AGO3: variants seen among roughly 807,000 people sequenced by gnomAD.
AGO3 encodes protein argonaute-3.
Under a neutral mutation model 105.5 loss-of-function variants are expected in AGO3, and 16 were observed. The observed-to-expected ratio is 0.15, with a 90% CI of 0.10 to 0.23. The LOEUF (loss-of-function observed/expected upper bound fraction) is 0.23, where lower values mean the gene tolerates loss of function less well. AGO3 is among the 10% of genes least tolerant of loss of function. The pLI is 1.00. For missense variants in AGO3, 534 were observed against 1,088.0 expected (o/e 0.49, Z 7.16); for synonymous variants, 340 against 367.3 (o/e 0.93, Z 0.85).
intron 17 of AGO3, among the ~76,000 whole-genome samples, chr1:36,053,924 T>A (rs1025414836): frequency 6.6e-6 from 1 of 151,830 alleles, no homozygotes; most frequent in African/African-American, 2.4e-5. Flanking sequence ...AATTTTTGTA[T>A]TTTTAGTAGA....
Position 35,931,205 on chromosome 1 carries a change from A to G in AGO3, c.-222A>G. Reference sequence around the variant, plus strand: ...CGGGACTCCCCTCTGTCCGCGCCTCACATCTCCCCTTCCTCTCGCCTAGTC... The same window carrying G: ...CGGGACTCCCCTCTGTCCGCGCCTCGCATCTCCCCTTCCTCTCGCCTAGTC... On this transcript the variant is annotated 5_prime_UTR_variant, in exon 1 of 19. Transcript: ENST00000373191. 2.5e-6 allele frequency: 1 copy of G among 405,056 alleles called. No individual in the cohort carries two copies. The highest frequency in any genetic ancestry group is 3.6e-5 in the East Asian group (1 of 28,040). 25.1% of individuals were successfully genotyped at this position (405,056 alleles called of 1,614,324 possible). A position where few individuals can be genotyped will look rare whatever the true frequency, so the allele number is the denominator to read the frequency against.
At chr1:36,034,486 T>TG in intron 13 of AGO3, among the ~76,000 whole-genome samples, 153 bp downstream of exon 13, 1 of 152,354 alleles carries the variant, frequency 6.6e-6, no homozygotes, top group Middle Eastern at 3.4e-3. Flanking sequence ...AAAAATAATT[T>TG]GGATTGGCAA....
chr1:36,045,662 C>T (rs1465208146), intron 17 of AGO3, among the ~76,000 whole-genome samples: 1 of 152,024 alleles, frequency 6.6e-6, no homozygotes, highest in Non-Finnish European at 1.5e-5. Flanking sequence ...TCTGCCTCAG[C>T]CTCCGGAGTA....
chr1:36,013,716 C>T lies in AGO3; in HGVS notation c.1236C>T (p.Arg412=), dbSNP rs759485254. The part of the protein sequence containing the change: ...VRDEMAHVTG[R]VLPAPMLQYG... The stretch of plus-strand genomic sequence containing the variant: ...ATGAAATGGCTCATGTAACTGGACG[C>T]GTACTTCCAGCACCTATGCTCCAGT... Residue 412 remains arginine, a synonymous_variant, in exon 10 of 19, where the codon CGC becomes CGT. Coordinates refer to ENST00000373191, the MANE Select transcript of AGO3 (RefSeq NM_024852.4). 2.0e-5 allele frequency: 32 copies of T among 1,613,976 alleles called. No individual in the cohort carries two copies. Among genetic ancestry groups the T allele is most frequent in the African/African-American group, 2.7e-5 (2 of 74,894 alleles).
At position 36,066,132 on chromosome 1, in the gene AGO3, G is replaced by C. The variant is rs919033881; in HGVS notation, c.*10387G>C. On this transcript the variant is annotated 3_prime_UTR_variant, in exon 19 of 19. Coordinates refer to ENST00000373191, the MANE Select transcript of AGO3 (RefSeq NM_024852.4). Reference sequence around the variant, plus strand: ...TGCGTAGAAAACAGATGGAAGTGTTGGTCATTAGAGCCTTGCTTTTTAAAT... The same window carrying C: ...TGCGTAGAAAACAGATGGAAGTGTTCGTCATTAGAGCCTTGCTTTTTAAAT... The C allele has an allele frequency of 1.3e-5, 2 of 152,034 alleles. No individual in the cohort carries two copies. The highest frequency in any genetic ancestry group is 2.9e-5 in the Non-Finnish European group (2 of 68,012). The allele number at this position is 152,034 out of a possible 1,614,324, so 9.4% of individuals were successfully genotyped here.
At chr1:36,047,377 A>G (rs918034633) in intron 17 of AGO3, among the ~76,000 whole-genome samples, 2 of 152,064 alleles carry the variant, frequency 1.3e-5, no homozygotes, top group Non-Finnish European at 2.9e-5. Context: ...GAGAGCTTCA[A>G]CAGCAGATTT....
chr1:36,053,818 G>A (rs1458951389), intron 17 of AGO3, among the ~76,000 whole-genome samples: 2 of 138,844 alleles, frequency 1.4e-5, no homozygotes, highest in African/African-American at 5.4e-5. Context: ...GTGCGATCTC[G>A]GCTCACTGCA....
intron 2 of AGO3, among the ~76,000 whole-genome samples, chr1:35,966,275 T>C (rs1646772825): frequency 6.6e-6 from 1 of 152,230 alleles, no homozygotes; most frequent in African/African-American, 2.4e-5. Context: ...AATATATCCT[T>C]TCAGTTTCTC....
intron 5 of AGO3, among the ~76,000 whole-genome samples, chr1:36,003,330 A>AACT (rs1369441898): frequency 6.6e-6 from 1 of 152,166 alleles, no homozygotes; most frequent in Non-Finnish European, 1.5e-5. Flanking sequence ...ACCCATGGTT[A>AACT]AGAAATCATA....
intron 5 of AGO3, among the ~76,000 whole-genome samples, chr1:35,995,209 A>AAT (rs748081363): frequency 0.088 from 10,099 of 114,360 alleles, 443 homozygotes; most frequent in South Asian, 0.16. Flanking sequence ...TAAAAAAAAA[A>AAT]ATATATATAT....
intron 2 of AGO3, among the ~76,000 whole-genome samples, chr1:35,959,708 A>G (rs1034354880): frequency 6.6e-6 from 1 of 152,154 alleles, no homozygotes; most frequent in African/African-American, 2.4e-5. Flanking sequence ...GACTAGTGTC[A>G]TAAAATATAG....
intron 17 of AGO3, among the ~76,000 whole-genome samples, chr1:36,053,434 T>G (rs1287782440): frequency 2.0e-5 from 3 of 151,666 alleles, no homozygotes; most frequent in Non-Finnish European, 4.4e-5. Flanking sequence ...CACATGCCAC[T>G]ACACCCAGCT....
chr1:35,992,865 G>A (rs923815830), intron 5 of AGO3, among the ~76,000 whole-genome samples: 2 of 152,182 alleles, frequency 1.3e-5, no homozygotes, highest in Non-Finnish European at 2.9e-5. Context: ...TTCATCTCAA[G>A]TCCTTACAGG....
At chr1:36,043,871 A>G (rs1021851493) in intron 17 of AGO3, among the ~76,000 whole-genome samples, 6 of 152,052 alleles carry the variant, frequency 3.9e-5, no homozygotes, top group African/African-American at 7.2e-5. Flanking sequence ...TTAAAAAAAA[A>G]AGAGAGAGAG....
intron 14 of AGO3, among the ~76,000 whole-genome samples, chr1:36,038,325 G>A (rs1273924698): frequency 2.3e-5 from 3 of 131,480 alleles, no homozygotes; most frequent in South Asian, 4.8e-4. Context: ...GCGCGATCTT[G>A]GCTCACTGCA....
At chr1:36,045,561 C>G (rs115566504) in intron 17 of AGO3, among the ~76,000 whole-genome samples, 2,263 of 150,382 alleles carry the variant, frequency 0.015, 49 homozygotes, top group African/African-American at 0.052. Flanking sequence ...TTGTCGCCCA[C>G]GCTAGAGTGT....
chr1:36,070,482 A>C lies in AGO3; in HGVS notation c.*14737A>C, dbSNP rs1409967518. ...GGGGGAAGAGATTCTGTTTCTAGGA[A>C]ATTACAAAGGGCACACCACTGCAGG... On this transcript the variant is annotated 3_prime_UTR_variant, in exon 19 of 19. Transcript: ENST00000373191. 1.3e-5 allele frequency: 2 copies of C among 152,236 alleles called. No homozygotes were observed. Among genetic ancestry groups the C allele is most frequent in the African/African-American group, 2.4e-5 (1 of 41,462 alleles). The allele number at this position is 152,236 out of a possible 1,614,324, so 9.4% of individuals were successfully genotyped here. A position where few individuals can be genotyped will look rare whatever the true frequency, so the allele number is the denominator to read the frequency against.
At chr1:36,016,712 A>G (rs544055503) in intron 11 of AGO3, among the ~76,000 whole-genome samples, 40 of 152,302 alleles carry the variant, frequency 2.6e-4, no homozygotes, top group African/African-American at 8.2e-4. Flanking sequence ...GGGAACAAGG[A>G]CTTCAGGTTA....
intron 5 of AGO3, among the ~76,000 whole-genome samples, chr1:35,978,845 G>A (rs1280395923): frequency 1.3e-5 from 2 of 151,940 alleles, no homozygotes; most frequent in African/African-American, 2.4e-5. Context: ...TTATTTTTCT[G>A]GTGATCACTG....
Sources: gnomAD v4.1 joint callset for allele counts (sites outside exome capture counted in the v4.1 genomes callset) on GRCh38, gnomAD v4.1.1 for gene constraint, MANE v1.5 for transcripts, NCBI Gene and HGNC (gene_info 2026-07-23, HGNC 2026-07-21) for gene names.